Variants in AKAP9 observed in about 807,000 individuals in gnomAD.
AKAP9 encodes A-kinase anchoring protein 9, also known as A-kinase anchor protein 9.
Under a neutral mutation model 488.5 loss-of-function variants are expected in AKAP9, and 311 were observed. The ratio of observed to expected loss-of-function variants is 0.64; its 90% CI spans 0.58 to 0.70. The LOEUF is 0.70. Among genes scored for constraint, AKAP9 ranks in the 30% least tolerant of loss-of-function variants. The pLI, the probability that AKAP9 is intolerant of heterozygous loss-of-function variation, is 0.00. For synonymous variants in AKAP9, 1,462 were observed against 1,483.5 expected, an observed-to-expected ratio of 0.99 and a Z score of 0.33; for missense variants, 4,215 against 4,374.5, an observed-to-expected ratio of 0.96 and a Z score of 1.03.
chr7:92,049,190 G>A (rs1021132391), intron 21 of AKAP9, among the ~76,000 whole-genome samples: 1 of 152,092 alleles, frequency 6.6e-6, no homozygotes, highest in East Asian at 1.9e-4. Context: ...AAATCCAAGA[G>A]GTTCACCAAT....
chr7:92,001,076 G>A lies in AKAP9; in HGVS notation c.1159G>A (p.Glu387Lys), dbSNP rs1274395705. 4 of 1,613,278 alleles carry A rather than the reference G, an allele frequency of 2.5e-6. No individual in the cohort carries two copies. The highest frequency in any genetic ancestry group is 3.4e-6 in the Non-Finnish European group (4 of 1,179,662). The change falls in exon 8 of 50, where the codon GAA (glutamate) becomes AAA (lysine). Residue 387 changes from glutamate (E) to lysine (K), a missense_variant. Physicochemically the swap from Glu to Lys is moderately conservative, Grantham distance 56. Coordinates refer to ENST00000356239, the MANE Select transcript of AKAP9 (RefSeq NM_005751.5). ...KLELTNSKQKERQSSEEIKQL... is the reference protein window; with the variant it reads ...KLELTNSKQKKRQSSEEIKQL... The stretch of plus-strand genomic sequence containing the variant: ...AGAGCTGACTAATTCTAAGCAAAAA[G>A]AAAGACAGTCTTCTGAAGAAATAAA...
At position 92,097,621 on chromosome 7, in the gene AKAP9, A is replaced by G. The variant is rs767908447; in HGVS notation, c.10434A>G (p.Arg3478=). 3.1e-6 allele frequency: 5 copies of G among 1,613,776 alleles called. No individual in the cohort carries two copies. The highest frequency in any genetic ancestry group is 3.4e-4 in the Middle Eastern group (2 of 5,826). ...TTWSLTSDRT[R]NWVLQQKIEG... Reference sequence around the variant, plus strand: ...GGAGCTTAACCAGTGATAGAACTAGAAATTGGGTTCTTCAACAGAAAATAG... The same window carrying G: ...GGAGCTTAACCAGTGATAGAACTAGGAATTGGGTTCTTCAACAGAAAATAG... The change falls in exon 42 of 50, where the codon AGA becomes AGG. Residue 3478 remains arginine (R), a synonymous_variant. Coordinates refer to ENST00000356239, the MANE Select transcript of AKAP9 (RefSeq NM_005751.5).
At position 92,001,555 on chromosome 7, in the gene AKAP9, A is replaced by T; in HGVS notation, c.1638A>T (p.Arg546Ser). The T allele has an allele frequency of 6.2e-7, 1 of 1,613,922 alleles. No homozygotes were observed. The highest frequency in any genetic ancestry group is 8.5e-7 in the Non-Finnish European group (1 of 1,179,864). Residue 546 changes from arginine to serine, a missense_variant, in exon 8 of 50, where the codon AGA (arginine) becomes AGT (serine). This residue lies in a region of AKAP9 where 2,361 missense variants were observed against 2,430.0 expected (regional missense o/e 0.97). Coordinates refer to ENST00000356239, the MANE Select transcript of AKAP9 (RefSeq NM_005751.5). Reference protein sequence around the residue: ...ELSFSREQIQRARQTIAEQES... With the variant: ...ELSFSREQIQSARQTIAEQES... The stretch of plus-strand genomic sequence containing the variant: ...GCTTTTCAAGGGAACAGATTCAGAG[A>T]GCTAGACAGACAATAGCTGAACAAG...
At chr7:92,069,649 T>C (rs1283301377) in intron 26 of AKAP9, among the ~76,000 whole-genome samples, 1 of 152,226 alleles carries the variant, frequency 6.6e-6, no homozygotes, top group Non-Finnish European at 1.5e-5. Flanking sequence ...ACTTACCTAT[T>C]CAGCATCCTA....
intron 1 of AKAP9, among the ~76,000 whole-genome samples, chr7:91,959,651 G>T (rs1347864786): frequency 6.6e-6 from 1 of 152,004 alleles, no homozygotes; most frequent in Non-Finnish European, 1.5e-5. Context: ...GTTAAAATAT[G>T]TAACATTAAG....
chr7:92,026,237 C>T (rs905226511), intron 14 of AKAP9, among the ~76,000 whole-genome samples: 2 of 152,096 alleles, frequency 1.3e-5, no homozygotes, highest in Admixed American at 6.5e-5. Context: ...ATTAAGTTTA[C>T]GCCAGACTGT....
chr7:92,069,571 T>A (rs1811348562), intron 26 of AKAP9, among the ~76,000 whole-genome samples: 1 of 152,242 alleles, frequency 6.6e-6, no homozygotes, highest in African/African-American at 2.4e-5. Flanking sequence ...GCATTGAGTA[T>A]TCTTTAAAAT....
intron 10 of AKAP9, 61 bp downstream of exon 10, chr7:92,014,389 AC>A: frequency 8.0e-7 from 1 of 1,243,726 alleles, no homozygotes; most frequent in Non-Finnish European, 1.2e-6. Flanking sequence ...TAATCCCAGC[AC>A]TTTGGGAGGC....
chr7:91,964,020 A>G (rs961894072), intron 1 of AKAP9, among the ~76,000 whole-genome samples: 6 of 152,216 alleles, frequency 3.9e-5, no homozygotes, highest in Admixed American at 3.3e-4. Context: ...CAAAGAGCTC[A>G]AATTCAATTT....
At chr7:92,105,634 G>T (rs761248353) in intron 46 of AKAP9, 44 bp from the exon 47 acceptor site, 3 of 1,377,574 alleles carry the variant, frequency 2.2e-6, no homozygotes, top group Admixed American at 1.7e-5. Flanking sequence ...TGTATATACT[G>T]TTTATAGATG....
chr7:92,061,600 A>ATG (rs2130822337), intron 23 of AKAP9, among the ~76,000 whole-genome samples, 178 bp downstream of exon 23: 1 of 140,572 alleles, frequency 7.1e-6, no homozygotes, highest in South Asian at 2.2e-4. Flanking sequence ...ATATATATAT[A>ATG]TATATATATA....
intron 2 of AKAP9, among the ~76,000 whole-genome samples, chr7:91,974,552 A>G (rs1000516639): frequency 1.2e-4 from 19 of 152,132 alleles, no homozygotes; most frequent in Admixed American, 9.2e-4. Context: ...GAGTCTTCCA[A>G]CTTTCTTCTC....
intron 16 of AKAP9, among the ~76,000 whole-genome samples, chr7:92,037,047 A>G (rs1805317980): frequency 6.6e-6 from 1 of 152,094 alleles, no homozygotes; most frequent in African/African-American, 2.4e-5. Flanking sequence ...TTTGATTCAA[A>G]TTTCTGCCGT....
intron 22 of AKAP9, among the ~76,000 whole-genome samples, chr7:92,056,319 A>G (rs1362630431): frequency 2.0e-5 from 3 of 151,982 alleles, no homozygotes; most frequent in Non-Finnish European, 4.4e-5. Flanking sequence ...AACAAACTGT[A>G]GTTTGCAGAG....
intron 27 of AKAP9, 99 bp from the exon 28 acceptor site, chr7:92,070,806 C>CAAAAAAAAA (rs34613656): frequency 4.3e-6 from 2 of 460,248 alleles, no homozygotes; most frequent in Admixed American, 4.6e-5. Flanking sequence ...TGCTGCTTCT[C>CAAAAAAAAA]AAAAAAAAAA....
intron 13 of AKAP9, 112 bp from the exon 14 acceptor site, chr7:92,022,702 A>G: frequency 1.3e-6 from 1 of 769,758 alleles, no homozygotes; most frequent in South Asian, 1.8e-5. Context: ...TATTACCACT[A>G]AAAACATACT....
intron 45 of AKAP9, among the ~76,000 whole-genome samples, chr7:92,101,987 C>G (rs1251187130): frequency 6.6e-6 from 1 of 151,786 alleles, no homozygotes; most frequent in Non-Finnish European, 1.5e-5. Context: ...GAAATCCCAT[C>G]TCTACTAGAA....
rs1176581695 is a variant in AKAP9, at chr7:92,002,574, A to C, written c.2657A>C (p.Glu886Ala). The C allele has an allele frequency of 1.2e-6, 2 of 1,609,924 alleles. No homozygotes were observed. Among genetic ancestry groups the C allele is most frequent in the Non-Finnish European group, 8.5e-7 (1 of 1,178,260 alleles). ...DDLEDSKNKQ[E>A]LEYKSKLKAL... ...TTAGAAGACAGTAAAAATAAACAGG[A>C]ATTAGAGTATAAAAGTAAACTTAAA... Residue 886 changes from glutamate to alanine, a missense_variant, in exon 8 of 50, where the codon GAA becomes GCA. Around this residue, in one of 5 missense-constraint regions of AKAP9, gnomAD observed 2,361 missense variants for 2,430.0 expected, o/e 0.97. Transcript: ENST00000356239.
In AKAP9 at chr7:91,992,211, G is replaced by C. The variant is rs749209057; in HGVS notation, c.405G>C (p.Arg135Ser). The change falls in exon 4 of 50, where the codon AGG becomes AGC. Residue 135 changes from arginine to serine, a missense_variant and splice_region_variant. Transcript: ENST00000356239. ...MRTGKPTNLL[R>S]EEEFGVDDSY... is the part of the protein sequence containing the mutation. ...CAGGAAAGCCTACAAATTTATTAAG[G>C]GTACAGTATTTAAAACTACTTGTGA... 6.2e-6 allele frequency: 10 copies of C among 1,603,494 alleles called. No individual in the cohort carries two copies. Among genetic ancestry groups the C allele is most frequent in the South Asian group, 2.2e-5 (2 of 90,846 alleles).
Sources: gnomAD v4.1 joint callset for allele counts (sites outside exome capture counted in the v4.1 genomes callset) on GRCh38, gnomAD v4.1.1 for gene constraint, gnomAD v4.1.1 regional missense constraint, MANE v1.5 for transcripts, NCBI Gene and HGNC (gene_info 2026-07-23, HGNC 2026-07-21) for gene names.